Variants in PLA2G4E observed in about 807,000 individuals in gnomAD.
PLA2G4E encodes the protein cytosolic phospholipase A2 epsilon.
In PLA2G4E, 84 loss-of-function variants were observed where a neutral mutation model predicts 109.1. That is an observed-to-expected ratio of 0.77 (90% confidence interval 0.65 to 0.92). PLA2G4E has a LOEUF of 0.92. Ranked by LOEUF, PLA2G4E falls within the 40% of genes least tolerant of loss-of-function variation. The probability of loss-of-function intolerance (pLI) is 0.00; values close to 1 mark genes in which losing one functional copy is unlikely to be tolerated. For synonymous variants in PLA2G4E, 469 were observed against 436.1 expected (o/e 1.08, Z -0.94); for missense variants, 1,057 against 1,076.6 (o/e 0.98, Z 0.25).
intron 3 of PLA2G4E, among the ~76,000 whole-genome samples, chr15:42,006,602 A>C (rs1239358832): frequency 6.6e-6 from 1 of 152,164 alleles, no homozygotes; most frequent in African/African-American, 2.4e-5. Flanking sequence ...AGGGGTTCTG[A>C]TAATTGGTGG....
chr15:42,006,283 A>C (rs1057380289), intron 3 of PLA2G4E, 162 bp from the exon 4 acceptor site: 6 of 829,734 alleles, frequency 7.2e-6, no homozygotes, highest in Middle Eastern at 3.9e-4. Context: ...AGGGAAACGA[A>C]TTAAGGAAGG....
intron 1 of PLA2G4E, among the ~76,000 whole-genome samples, chr15:42,025,690 G>A (rs2068688298): frequency 6.6e-6 from 1 of 152,190 alleles, no homozygotes; most frequent in Admixed American, 6.5e-5. Flanking sequence ...CTTTCTGGCT[G>A]CTTGTAGTTA....
intron 9 of PLA2G4E, 62 bp from the exon 10 acceptor site, chr15:41,999,623 T>C (rs2068392064): frequency 1.5e-5 from 23 of 1,580,032 alleles, no homozygotes; most frequent in Non-Finnish European, 2.0e-5. Flanking sequence ...TGATCCCAGA[T>C]CCACACTGTC....
chr15:42,001,086 T>C, intron 7 of PLA2G4E, 71 bp downstream of exon 7: 1 of 1,475,058 alleles, frequency 6.8e-7, no homozygotes, highest in East Asian at 2.3e-5. Context: ...CTAGGTGGAG[T>C]CTGATGCTGA....
chr15:42,005,976 T>A lies in PLA2G4E; in HGVS notation c.525+14A>T. ...CATGAAGCCGGAGTCTGAGGGCCTG[T>A]ACCCTGCACCCACCTGCGGGTTGAG... On this transcript the variant is annotated intron_variant, in intron 4 of 19. Coordinates refer to ENST00000399518, the Ensembl canonical transcript of PLA2G4E. 1 of 1,613,290 alleles carries A rather than the reference T, an allele frequency of 6.2e-7. No homozygotes were observed. The highest frequency in any genetic ancestry group is 8.5e-7 in the Non-Finnish European group (1 of 1,179,388).
intron 7 of PLA2G4E, among the ~76,000 whole-genome samples, chr15:42,000,693 G>C (rs2068407388): frequency 6.6e-6 from 1 of 152,192 alleles, no homozygotes; most frequent in Admixed American, 6.5e-5. Flanking sequence ...GCAACATGGG[G>C]TGGGGTGGGG....
chr15:42,050,537 G>A, exon 1 of PLA2G4E: 1 of 1,550,524 alleles, frequency 6.4e-7, no homozygotes, highest in Non-Finnish European at 8.7e-7. Context: ...GCCCCAAGGA[G>A]CCATAGGACA....
chr15:41,985,880 G>A, exon 18 of PLA2G4E: 1 of 1,611,180 alleles, frequency 6.2e-7, no homozygotes, highest in Non-Finnish European at 8.5e-7. Context: ...TGGATGATGA[G>A]GTCGGCTTTT....
chr15:42,033,918 A>G (rs979995246), intron 1 of PLA2G4E, among the ~76,000 whole-genome samples: 1 of 152,058 alleles, frequency 6.6e-6, no homozygotes, highest in Non-Finnish European at 1.5e-5. Flanking sequence ...CTCAACTGCT[A>G]TTTCCCTCTG....
chr15:42,003,964 T>C (rs1203571720), intron 5 of PLA2G4E, among the ~76,000 whole-genome samples: 1 of 152,162 alleles, frequency 6.6e-6, no homozygotes, highest in Non-Finnish European at 1.5e-5. Flanking sequence ...CCTCCAGCTC[T>C]CTGAGTCCTC....
At chr15:41,985,532 A>G (rs2068125969) in intron 18 of PLA2G4E, among the ~76,000 whole-genome samples, 1 of 152,238 alleles carries the variant, frequency 6.6e-6, no homozygotes, top group Non-Finnish European at 1.5e-5. Context: ...GGGCTCTACT[A>G]AGGTTATTTT....
At chr15:42,033,141 T>G (rs1211737653) in intron 1 of PLA2G4E, among the ~76,000 whole-genome samples, 1 of 152,116 alleles carries the variant, frequency 6.6e-6, no homozygotes, top group Non-Finnish European at 1.5e-5. Context: ...GCTTATGTGT[T>G]CTTGCCTTGA....
intron 3 of PLA2G4E, 160 bp from the exon 4 acceptor site, chr15:42,006,281 G>A (rs940325576): frequency 1.9e-5 from 16 of 844,558 alleles, no homozygotes; most frequent in South Asian, 4.1e-5. Flanking sequence ...GTAGGGAAAC[G>A]AATTAAGGAA....
exon 17 of PLA2G4E, chr15:41,987,312 A>G (rs750792032): frequency 6.2e-6 from 10 of 1,614,010 alleles, no homozygotes; most frequent in Non-Finnish European, 7.6e-6. Context: ...CCCTGGGATC[A>G]CTACCGTGGT....
At chr15:41,988,302 C>T (rs1159853321) in intron 15 of PLA2G4E, 146 bp from the exon 16 acceptor site, 5 of 604,898 alleles carry the variant, frequency 8.3e-6, no homozygotes, top group Non-Finnish European at 1.5e-5. Flanking sequence ...CCATGTCCTT[C>T]TCCCCTTCCC....
At chr15:42,026,843 G>T (rs2068696719) in intron 1 of PLA2G4E, among the ~76,000 whole-genome samples, 2 of 151,846 alleles carry the variant, frequency 1.3e-5, no homozygotes, top group Admixed American at 1.3e-4. Flanking sequence ...CGTGGTGGTG[G>T]GTGCCTAGAA....
At chr15:41,987,506 G>A (rs2068162297) in intron 16 of PLA2G4E, 131 bp from the exon 17 acceptor site, 2 of 780,708 alleles carry the variant, frequency 2.6e-6, no homozygotes, top group Middle Eastern at 3.7e-4. Context: ...TTCCTTGCTG[G>A]GCTCTCAAGG....
At chr15:42,032,362 G>A (rs753899339) in intron 1 of PLA2G4E, among the ~76,000 whole-genome samples, 17 of 152,168 alleles carry the variant, frequency 1.1e-4, no homozygotes, top group East Asian at 3.8e-4. Flanking sequence ...TTCAAACCCC[G>A]GAGTCAAGGG....
At chr15:41,984,333 G>A in intron 19 of PLA2G4E, 103 bp downstream of exon 19, 1 of 1,292,928 alleles carries the variant, frequency 7.7e-7, no homozygotes, top group Non-Finnish European at 1.1e-6. Context: ...GGCTGGAGCT[G>A]AGCCAGGCTT....
Sources: gnomAD v4.1 joint callset for allele counts (sites outside exome capture counted in the v4.1 genomes callset) on GRCh38, gnomAD v4.1.1 for gene constraint, MANE v1.5 for transcripts, NCBI Gene and HGNC (gene_info 2026-07-23, HGNC 2026-07-21) for gene names.